Variants in MIB1 observed in about 807,000 individuals in gnomAD.
The protein encoded by MIB1 is E3 ubiquitin-protein ligase MIB1.
MIB1 carries 278 observed loss-of-function variants against 124.5 expected under a neutral mutation model. That is an observed-to-expected ratio of 2.23 (90% confidence interval 2.02 to 2.47). The LOEUF is 2.47. MIB1 is among the 30% of genes most tolerant of loss of function. The pLI, the probability that MIB1 is intolerant of heterozygous loss-of-function variation, is 0.00. For synonymous variants in MIB1, 446 were observed against 429.4 expected (o/e 1.04, Z -0.48); for missense variants, 957 against 1,254.4 (o/e 0.76, Z 3.58).
intron 15 of MIB1, 121 bp downstream of exon 15, chr18:21,844,374 A>T (rs966640844): frequency 2.7e-5 from 29 of 1,069,416 alleles, no homozygotes; most frequent in South Asian, 1.4e-4. Context: ...TGTACTTAGA[A>T]ACTTAGTTTA....
intron 6 of MIB1, among the ~76,000 whole-genome samples, chr18:21,790,978 C>T (rs2041495584): frequency 6.6e-6 from 1 of 151,674 alleles, no homozygotes; most frequent in Admixed American, 6.6e-5. Flanking sequence ...CTGAGGCAGG[C>T]AGATCACTTG....
In MIB1 at chr18:21,806,911, G is replaced by A. The variant is rs532240560; in HGVS notation, c.1479+2897G>A. Among the ~76,000 whole-genome samples the A allele has an allele frequency of 4.6e-5, 7 of 152,264 alleles. No homozygotes were observed. In the East Asian group the frequency reaches 9.6e-4, roughly 21 times the overall value. On this transcript the variant is annotated intron_variant, in intron 10 of 20. Transcript: ENST00000261537. The stretch of plus-strand genomic sequence containing the variant: ...ACTGGGATTACAGGCGTGAGCCACC[G>A]TGCCCAGCCAAATAATGTATTTTTA...
At chr18:21,738,574 G>A (rs141048469), upstream of MIB1, among the ~76,000 whole-genome samples, 9,438 of 151,886 alleles carry the variant, frequency 0.062, 318 homozygotes, top group Middle Eastern at 0.13. Context: ...TTGGGAGGCC[G>A]AGGCGGGCGG....
chr18:21,712,771 C>T (rs542335374), intron 1 of MIB1, among the ~76,000 whole-genome samples: 4 of 152,048 alleles, frequency 2.6e-5, no homozygotes, highest in African/African-American at 9.7e-5. Context: ...GACCTATGAC[C>T]CATGGGAACT....
chr18:21,832,685 A>G (rs1480562894), intron 12 of MIB1, among the ~76,000 whole-genome samples: 1 of 152,206 alleles, frequency 6.6e-6, no homozygotes, highest in African/African-American at 2.4e-5. Flanking sequence ...TGTCTTTAGC[A>G]TTTAATATCA....
At chr18:21,779,376 A>T (rs1469807831) in intron 5 of MIB1, 105 bp from the exon 6 acceptor site, 2 of 846,724 alleles carry the variant, frequency 2.4e-6, no homozygotes, top group Non-Finnish European at 3.9e-6. Flanking sequence ...TTAAAACTAG[A>T]TGGTACCTGA....
At chr18:21,794,729 G>A (rs1173577827) in intron 7 of MIB1, among the ~76,000 whole-genome samples, 5 of 152,004 alleles carry the variant, frequency 3.3e-5, no homozygotes, top group Admixed American at 3.3e-4. Context: ...TGGTGCTAAA[G>A]GAAAGAAAAT....
chr18:21,731,061 C>A (rs1233991499), intron 1 of MIB1, among the ~76,000 whole-genome samples: 1 of 152,152 alleles, frequency 6.6e-6, no homozygotes, highest in Non-Finnish European at 1.5e-5. Flanking sequence ...ACCTTTCAAC[C>A]CTTGGTTAAA....
At chr18:21,860,960 G>A (rs2042271547) in intron 20 of MIB1, among the ~76,000 whole-genome samples, 1 of 152,128 alleles carries the variant, frequency 6.6e-6, no homozygotes, top group Non-Finnish European at 1.5e-5. Flanking sequence ...GATGACTGGG[G>A]CCCAAGAGTT....
intron 1 of MIB1, among the ~76,000 whole-genome samples, chr18:21,710,132 T>C (rs1446274532): frequency 6.6e-6 from 1 of 152,188 alleles, no homozygotes; most frequent in Non-Finnish European, 1.5e-5. Context: ...TCTCTTTTTT[T>C]TTTTTTGAGA....
At position 21,798,088 on chromosome 18, in the gene MIB1, T is replaced by G. The variant is rs148247758; in HGVS notation, c.1097T>G (p.Leu366Ter). Residue 366 changes from leucine to a stop codon, truncating the protein, a stop_gained, in exon 8 of 21, where the codon TTA becomes TGA. Coordinates refer to ENST00000261537, the MANE Select transcript of MIB1 (RefSeq NM_020774.4). LOFTEE classifies it high-confidence loss of function. The stretch of plus-strand genomic sequence containing the variant: ...GAATCTATTTTTTTCCCCAAGACTT[T>G]AGGTAAAGTTGGCCGAGTACAACAG... ...GEWAEAMLPT[L>*]GKVGRVQQIY... The G allele has an allele frequency of 4.3e-6, 7 of 1,612,590 alleles. No individual in the cohort carries two copies. The highest frequency in any genetic ancestry group is 5.9e-6 in the Non-Finnish European group (7 of 1,179,072).
chr18:21,718,065 A>C (rs1167886081), intron 1 of MIB1, among the ~76,000 whole-genome samples: 1 of 152,242 alleles, frequency 6.6e-6, no homozygotes, highest in Non-Finnish European at 1.5e-5. Context: ...CAGCCATAAG[A>C]AGGAATGAAT....
intron 15 of MIB1, 66 bp downstream of exon 15, chr18:21,844,319 A>G: frequency 1.4e-6 from 2 of 1,478,002 alleles, no homozygotes; most frequent in Non-Finnish European, 1.9e-6. Flanking sequence ...TCTTATATTT[A>G]CTGGTAATCT....
At chr18:21,788,820 CAATG>C (rs2041468821) in intron 6 of MIB1, among the ~76,000 whole-genome samples, 1 of 152,070 alleles carries the variant, frequency 6.6e-6, no homozygotes, top group Admixed American at 6.6e-5. Context: ...TGTACACTAA[CAATG>C]AACAATATGA....
chr18:21,730,374 C>T (rs1173428178), intron 1 of MIB1, among the ~76,000 whole-genome samples: 1 of 152,178 alleles, frequency 6.6e-6, no homozygotes, highest in South Asian at 2.1e-4. Flanking sequence ...CAAGACCAGC[C>T]TGGCCAACAT....
At chr18:21,857,078 A>T (rs2042235532) in intron 18 of MIB1, 52 bp from the exon 19 acceptor site, 1 of 1,194,026 alleles carries the variant, frequency 8.4e-7, no homozygotes, top group African/African-American at 1.5e-5. Context: ...GAAAGGCAAC[A>T]CTCCTATTAA....
At chr18:21,826,350 T>C (rs938286796) in intron 12 of MIB1, 1 of 152,478 alleles carries the variant, frequency 6.6e-6, no homozygotes, top group Non-Finnish European at 1.5e-5. Flanking sequence ...GATTTATAAA[T>C]AGATCACATG....
intron 18 of MIB1, among the ~76,000 whole-genome samples, chr18:21,856,180 A>C (rs2042224779): frequency 6.7e-6 from 1 of 148,356 alleles, no homozygotes; most frequent in Admixed American, 6.8e-5. Context: ...CAGTGAGCTG[A>C]GATTGCGCCA....
intron 12 of MIB1, among the ~76,000 whole-genome samples, chr18:21,835,464 C>T (rs1253309676): frequency 6.6e-6 from 1 of 151,986 alleles, no homozygotes; most frequent in East Asian, 1.9e-4. Flanking sequence ...GAAGGGTAAT[C>T]AAGATCAAGA....
Sources: allele counts gnomAD v4.1 joint callset (sites outside exome capture counted in the v4.1 genomes callset), GRCh38; gene constraint gnomAD v4.1.1; transcripts MANE v1.5; gene names NCBI Gene and HGNC (gene_info 2026-07-23, HGNC 2026-07-21).